The following TMEM121 variants were observed in gnomAD, a reference collection of about 807,000 sequenced individuals.
TMEM121 encodes transmembrane protein 121A.
TMEM121 carries 8 observed loss-of-function variants against 16.4 expected under a neutral mutation model. The ratio of observed to expected loss-of-function variants is 0.49; its 90% CI spans 0.29 to 0.88. The LOEUF (loss-of-function observed/expected upper bound fraction) is 0.88. Among genes scored for constraint, TMEM121 ranks in the 40% least tolerant of loss-of-function variants. The pLI, the probability that TMEM121 is intolerant of heterozygous loss-of-function variation, is 0.09. For synonymous variants in TMEM121, 235 were observed against 226.2 expected (o/e 1.04, Z -0.35); for missense variants, 401 against 462.0 (o/e 0.87, Z 1.21).
rs746197098 is a variant in TMEM121 at position 105,528,580 on chromosome 14, T to G, written c.-113-142T>G. 258 of 216,462 alleles carry G rather than the reference T, an allele frequency of 1.2e-3. 3 individuals carry two copies. The highest frequency in any genetic ancestry group is 2.3e-4 in the Non-Finnish European group (28 of 122,072). 13.4% of individuals were successfully genotyped at this position (216,462 alleles called of 1,614,324 possible). On this transcript the variant is annotated intron_variant, in intron 1 of 1. Transcript: ENST00000392519. ...TGGTTCGCGGCCGCCGGTTCGCGCA[T>G]GGGCGCAGGCGTGCGCGATGCCTCG... is the stretch of plus-strand genomic sequence containing the variant.
Position 105,528,989 on chromosome 14 carries a change from T to C in TMEM121, c.155T>C (p.Phe52Ser). 6.2e-7 allele frequency: 1 copy of C among 1,612,222 alleles called. No individual in the cohort carries two copies. Among genetic ancestry groups the C allele is most frequent in the Non-Finnish European group, 8.5e-7 (1 of 1,179,576 alleles). The change falls in exon 2 of 2, where the codon TTC becomes TCC. Residue 52 changes from phenylalanine (F) to serine (S), a missense_variant. Transcript: ENST00000392519. ...CIIVLVGDVC[F>S]LLVLRYVAVW... Reference sequence around the variant, plus strand: ...ATCGTGCTGGTGGGCGACGTGTGCTTCCTGCTGGTGCTGCGCTACGTGGCC... The same window carrying C: ...ATCGTGCTGGTGGGCGACGTGTGCTCCCTGCTGGTGCTGCGCTACGTGGCC...
At position 105,529,442 on chromosome 14, in the gene TMEM121, G is replaced by A; in HGVS notation, c.608G>A (p.Ser203Asn). ...VLPCVALSEV[S>N]MQGEHIAPQK... ...CCGTGCGTGGCGCTCAGCGAGGTCA[G>A]CATGCAGGGCGAGCACATAGCGCCG... Residue 203 changes from serine to asparagine, a missense_variant, in exon 2 of 2, where the codon AGC (serine) becomes AAC (asparagine). By Grantham distance (46) the Ser-to-Asn change is conservative (BLOSUM62 1). Transcript: ENST00000392519. 6.5e-7 allele frequency: 1 copy of A among 1,546,300 alleles called. No homozygotes were observed.
rs1254729472 is a variant in TMEM121, at chr14:105,529,506, C to T, written c.672C>T (p.Thr224=). 2.6e-6 allele frequency: 4 copies of T among 1,541,496 alleles called. No homozygotes were observed. The highest frequency in any genetic ancestry group is 1.4e-5 in the African/African-American group (1 of 72,990). ...TGTACCCGGTGCTCAGCCTCGCCACCGTCAATGTGGTGGCCGTGCTGGCGC... is the reference window on the plus strand; with the variant it reads ...TGTACCCGGTGCTCAGCCTCGCCACTGTCAATGTGGTGGCCGTGCTGGCGC... The part of the protein sequence containing the change: ...MMLYPVLSLA[T]VNVVAVLARA... Residue 224 remains threonine, a synonymous_variant, in exon 2 of 2, where the codon ACC becomes ACT. Coordinates refer to ENST00000392519, the MANE Select transcript of TMEM121 (RefSeq NM_025268.4).
chr14:105,526,742 C>T lies in TMEM121; in HGVS notation c.-114+89C>T, dbSNP rs1174946784. The T allele has an allele frequency of 2.0e-5, 1 of 49,212 alleles. No homozygotes were observed. The highest frequency in any genetic ancestry group is 8.3e-5 in the African/African-American group (1 of 12,076). The allele number at this position is 49,212 out of a possible 1,614,324, so 3.0% of individuals were successfully genotyped here. A position where few individuals can be genotyped will look rare whatever the true frequency, so the allele number is the denominator to read the frequency against. ...CCTGGGCGACCCTGCACCTCTGGGCCGTGGGGACTGTGGGGTGGGGCGGGG... is the reference window on the plus strand; with the variant it reads ...CCTGGGCGACCCTGCACCTCTGGGCTGTGGGGACTGTGGGGTGGGGCGGGG... On this transcript the variant is annotated intron_variant, in intron 1 of 1. Coordinates refer to ENST00000392519, the MANE Select transcript of TMEM121 (RefSeq NM_025268.4). The surrounding 1 kb of genome is among the most constrained non-coding windows in gnomAD (Gnocchi z 6.8).
At position 105,530,077 on chromosome 14, in the gene TMEM121, G is replaced by A. The variant is rs1438647194; in HGVS notation, c.*283G>A. 3 of 411,378 alleles carry A rather than the reference G, an allele frequency of 7.3e-6. No homozygotes were observed. Among genetic ancestry groups the A allele is most frequent in the Non-Finnish European group, 8.8e-6 (2 of 228,564 alleles). The allele number at this position is 411,378 out of a possible 1,614,324, so 25.5% of individuals were successfully genotyped here. A position where few individuals can be genotyped will look rare whatever the true frequency, so the allele number is the denominator to read the frequency against. On this transcript the variant is annotated 3_prime_UTR_variant, in exon 2 of 2. Coordinates refer to ENST00000392519, the MANE Select transcript of TMEM121 (RefSeq NM_025268.4). The stretch of plus-strand genomic sequence containing the variant: ...CCGGCCCCTGCCTGCTGGGCCGCCC[G>A]GGTTGGAAGGGAGGGCAGTGTGGGC...
intron 1 of TMEM121, among the ~76,000 whole-genome samples, chr14:105,527,680 T>A (rs2084600180): frequency 6.6e-6 from 1 of 151,936 alleles, no homozygotes; most frequent in Non-Finnish European, 1.5e-5. Context: ...AGCGCCCGAC[T>A]GTCACGGGGA....
Position 105,529,980 on chromosome 14 carries a change from C to G in TMEM121, c.*186C>G. 1 of 578,406 alleles carries G rather than the reference C, an allele frequency of 1.7e-6. No homozygotes were observed. The highest frequency in any genetic ancestry group is 2.9e-6 in the Non-Finnish European group (1 of 348,570). The allele number at this position is 578,406 out of a possible 1,614,324, so 35.8% of individuals were successfully genotyped here. A position where few individuals can be genotyped will look rare whatever the true frequency, so the allele number is the denominator to read the frequency against. On this transcript the variant is annotated 3_prime_UTR_variant, in exon 2 of 2. Coordinates refer to ENST00000392519, the MANE Select transcript of TMEM121 (RefSeq NM_025268.4). ...ATCTCTCGGACCGCGGATCCTCAGC[C>G]CCCGCTCCACCAGCCCGCCCCAGCG...
In TMEM121 at chr14:105,529,910, G is replaced by A. The variant is rs587689450; in HGVS notation, c.*116G>A. The A allele has an allele frequency of 1.1e-4, 115 of 1,065,472 alleles. No individual in the cohort carries two copies. The African/African-American group carries it at 1.3e-3, about 12-fold the overall frequency. The allele number at this position is 1,065,472 out of a possible 1,614,324, so 66.0% of individuals were successfully genotyped here. A position where few individuals can be genotyped will look rare whatever the true frequency, so the allele number is the denominator to read the frequency against. ...GGGCTCCCCTAGGGACAGGTGCCTC[G>A]AGTGCCCGTGCCTGGGGTCCCGCGG... is the stretch of plus-strand genomic sequence containing the variant. On this transcript the variant is annotated 3_prime_UTR_variant, in exon 2 of 2. Coordinates refer to ENST00000392519, the MANE Select transcript of TMEM121 (RefSeq NM_025268.4).
Position 105,529,114 on chromosome 14 carries a change from T to G in TMEM121, c.280T>G (p.Phe94Val). 6.2e-7 allele frequency: 1 copy of G among 1,610,946 alleles called. No homozygotes were observed. The change falls in exon 2 of 2, where the codon TTC (phenylalanine) becomes GTC (valine). Residue 94 changes from phenylalanine (F) to valine (V), a missense_variant. Coordinates refer to ENST00000392519, the MANE Select transcript of TMEM121 (RefSeq NM_025268.4). ...FVLEIKLYFI[F>V]QNYKAARRGA... ...GCTGGAGATCAAGCTCTACTTCATC[T>G]TCCAGAACTACAAGGCGGCGCGGCG... is the stretch of plus-strand genomic sequence containing the variant.
Position 105,529,884 on chromosome 14 carries a change from C to A in TMEM121, c.*90C>A. 1 of 1,196,566 alleles carries A rather than the reference C, an allele frequency of 8.4e-7. No individual in the cohort carries two copies. The highest frequency in any genetic ancestry group is 1.1e-6 in the Non-Finnish European group (1 of 910,438). The allele number at this position is 1,196,566 out of a possible 1,614,324, so 74.1% of individuals were successfully genotyped here. A position where few individuals can be genotyped will look rare whatever the true frequency, so the allele number is the denominator to read the frequency against. ...CGGTTTGCATGGGATGGGGTGGGGG[C>A]GGGCTCCCCTAGGGACAGGTGCCTC... On this transcript the variant is annotated 3_prime_UTR_variant, in exon 2 of 2. Coordinates refer to ENST00000392519, the MANE Select transcript of TMEM121 (RefSeq NM_025268.4).
chr14:105,530,141 T>G lies in TMEM121; in HGVS notation c.*347T>G. ...TTCGGTGGGGGCCTCTGGCTCAGAT[T>G]TGGGGCCAAGGAGGCCTCTGTCATT... is the stretch of plus-strand genomic sequence containing the variant. On this transcript the variant is annotated 3_prime_UTR_variant, in exon 2 of 2. Transcript: ENST00000392519. 1 of 311,476 alleles carries G rather than the reference T, an allele frequency of 3.2e-6. No homozygotes were observed. The highest frequency in any genetic ancestry group is 5.9e-6 in the Non-Finnish European group (1 of 168,276). 19.3% of individuals were successfully genotyped at this position (311,476 alleles called of 1,614,324 possible).
chr14:105,529,565 G>A lies in TMEM121; in HGVS notation c.731G>A (p.Arg244His). The change falls in exon 2 of 2, where the codon CGT becomes CAT. Residue 244 changes from arginine (R) to histidine (H), a missense_variant. Arg to His is a conservative substitution (Grantham distance 29, BLOSUM62 0). Transcript: ENST00000392519. ...AACATGGCGCTGTTCCGGGACAGCC[G>A]TGTCTCGGCCATCTTCGTCGGCAAA... The part of the protein sequence containing the change: ...AANMALFRDS[R>H]VSAIFVGKNV... The A allele has an allele frequency of 6.4e-7, 1 of 1,553,436 alleles. No homozygotes were observed. Among genetic ancestry groups the A allele is most frequent in the East Asian group, 2.4e-5 (1 of 41,768 alleles).
Position 105,529,892 on chromosome 14 carries a change from C to T in TMEM121, c.*98C>T. The T allele has an allele frequency of 8.1e-7, 1 of 1,230,646 alleles. No homozygotes were observed. The highest frequency in any genetic ancestry group is 1.1e-6 in the Non-Finnish European group (1 of 942,146). 76.2% of individuals were successfully genotyped at this position (1,230,646 alleles called of 1,614,324 possible). On this transcript the variant is annotated 3_prime_UTR_variant, in exon 2 of 2. Transcript: ENST00000392519. ...ATGGGATGGGGTGGGGGCGGGCTCC[C>T]CTAGGGACAGGTGCCTCGAGTGCCC...
At chr14:105,528,031 G>C (rs2084603169) in intron 1 of TMEM121, among the ~76,000 whole-genome samples, 2 of 149,532 alleles carry the variant, frequency 1.3e-5, no homozygotes, top group African/African-American at 5.1e-5. Context: ...GCAGAGGGTG[G>C]GGGACAACAC....
chr14:105,526,985 T>C lies in TMEM121; in HGVS notation c.-114+332T>C, dbSNP rs1385439931. On this transcript the variant is annotated intron_variant, in intron 1 of 1. Transcript: ENST00000392519. This position sits in a 1 kb window ranked among gnomAD's most constrained non-coding sequence, Gnocchi z 6.8. ...GAGGGTCCTTGCGGGGCCCGGGCAGTGAAGGGCCTGGAGGCCCCAGAGTCT... is the reference window on the plus strand; with the variant it reads ...GAGGGTCCTTGCGGGGCCCGGGCAGCGAAGGGCCTGGAGGCCCCAGAGTCT... 1 of 151,182 alleles carries C rather than the reference T, an allele frequency of 6.6e-6. No homozygotes were observed. Among genetic ancestry groups the C allele is most frequent in the Non-Finnish European group, 1.5e-5 (1 of 67,940 alleles). The allele number at this position is 151,182 out of a possible 1,614,324, so 9.4% of individuals were successfully genotyped here.
Position 105,529,161 on chromosome 14 carries a change from G to T in TMEM121, c.327G>T (p.Ala109=). ...GGCGCGGCGCGGCGGACCCCGTGGC[G>T]CGCAAGGCGCTGACGCTGCTGCTGT... is the stretch of plus-strand genomic sequence containing the variant. The part of the protein sequence containing the change: ...AARRGAADPV[A]RKALTLLLSV... Residue 109 remains alanine (A), a synonymous_variant, in exon 2 of 2, where the codon GCG becomes GCT. Transcript: ENST00000392519. 2 of 1,593,544 alleles carry T rather than the reference G, an allele frequency of 1.3e-6. No homozygotes were observed. The highest frequency in any genetic ancestry group is 1.7e-6 in the Non-Finnish European group (2 of 1,172,496).
Position 105,526,837 on chromosome 14 carries a change from C to CG in TMEM121, c.-114+190dup, listed in dbSNP as rs1555443857. On this transcript the variant is annotated intron_variant, in intron 1 of 1. Transcript: ENST00000392519. The surrounding 1 kb of genome is among the most constrained non-coding windows in gnomAD (Gnocchi z 6.8). ...GACCCGGCCCTGCGTGGGGAAGCCTCGGGGGGACAAGCAGAGACGCAGCCT... is the reference window on the plus strand; with the variant it reads ...GACCCGGCCCTGCGTGGGGAAGCCTCGGGGGGGACAAGCAGAGACGCAGCCT... 6.7e-6 allele frequency among the ~76,000 whole-genome samples: 1 copy of CG among 150,182 alleles called. No homozygotes were observed. Among genetic ancestry groups the CG allele is most frequent in the Non-Finnish European group, 1.5e-5 (1 of 67,512 alleles).
Position 105,530,075 on chromosome 14 carries a change from C to T in TMEM121, c.*281C>T. On this transcript the variant is annotated 3_prime_UTR_variant, in exon 2 of 2. Transcript: ENST00000392519. ...ATCCGGCCCCTGCCTGCTGGGCCGC[C>T]CGGGTTGGAAGGGAGGGCAGTGTGG... is the stretch of plus-strand genomic sequence containing the variant. 2 of 414,916 alleles carry T rather than the reference C, an allele frequency of 4.8e-6. No individual in the cohort carries two copies. The highest frequency in any genetic ancestry group is 8.1e-5 in the East Asian group (2 of 24,676). The allele number at this position is 414,916 out of a possible 1,614,324, so 25.7% of individuals were successfully genotyped here.
At chr14:105,527,878 T>G (rs1156983346) in intron 1 of TMEM121, among the ~76,000 whole-genome samples, 1 of 151,796 alleles carries the variant, frequency 6.6e-6, no homozygotes, top group Non-Finnish European at 1.5e-5. Flanking sequence ...AGCACGGCCA[T>G]GAGGACCAGT....
Sources: allele counts gnomAD v4.1 joint callset (sites outside exome capture counted in the v4.1 genomes callset), GRCh38; gene constraint gnomAD v4.1.1; non-coding constraint Gnocchi (gnomAD v3.1); transcripts MANE v1.5; gene names NCBI Gene and HGNC (gene_info 2026-07-23, HGNC 2026-07-21).